PLEKHA5: variants seen among roughly 807,000 people sequenced by gnomAD.
PLEKHA5 encodes pleckstrin homology domain containing A5, also known as pleckstrin homology domain-containing family A member 5.
PLEKHA5 carries 55 observed loss-of-function variants against 181.9 expected under a neutral mutation model. The observed-to-expected ratio is 0.30, with a 90% CI of 0.24 to 0.38. PLEKHA5 has a LOEUF of 0.38. PLEKHA5 is among the 10% of genes least tolerant of loss of function. The probability of loss-of-function intolerance (pLI) is 1.00; values close to 1 mark genes in which losing one functional copy is unlikely to be tolerated. For missense variants in PLEKHA5, 1,432 were observed against 1,549.5 expected (o/e 0.92, Z 1.27); for synonymous variants, 535 against 529.4 (o/e 1.01, Z -0.15).
chr12:19,272,954 T>G (rs1184832352), intron 10 of PLEKHA5, among the ~76,000 whole-genome samples: 2 of 152,226 alleles, frequency 1.3e-5, no homozygotes, highest in Non-Finnish European at 2.9e-5. Context: ...TCGCCCAGGC[T>G]GGAGTGCAGT....
In PLEKHA5 at chr12:19,353,891, C is replaced by T; in HGVS notation, c.3027C>T (p.His1009=). The change falls in exon 26 of 32, where the codon CAC becomes CAT. Residue 1009 remains histidine, a synonymous_variant. Coordinates refer to ENST00000429027, the MANE Select transcript of PLEKHA5 (RefSeq NM_001256470.2). ...EIETSVVKGS[H]FPVGVVPPRA... ...TGCTGTTTTAATTTTTAGGTTCCCA[C>T]TTTCCTGTTGGAGTAGTCCCTCCAA... is the stretch of plus-strand genomic sequence containing the variant. 6.5e-7 allele frequency: 1 copy of T among 1,543,330 alleles called. No homozygotes were observed. Among genetic ancestry groups the T allele is most frequent in the Non-Finnish European group, 9.0e-7 (1 of 1,116,714 alleles).
chr12:19,193,608 G>T (rs968503219), intron 3 of PLEKHA5, among the ~76,000 whole-genome samples: 1 of 152,082 alleles, frequency 6.6e-6, no homozygotes, highest in Non-Finnish European at 1.5e-5. Flanking sequence ...AGCAATGCAC[G>T]TTGTACCTAC....
intron 29 of PLEKHA5, among the ~76,000 whole-genome samples, chr12:19,365,750 C>A (rs921440742): frequency 2.6e-5 from 4 of 152,064 alleles, no homozygotes; most frequent in Non-Finnish European, 4.4e-5. Flanking sequence ...TTAGATGAAG[C>A]AAGATTGGCA....
At chr12:19,282,556 A>G (rs2076409121) in intron 11 of PLEKHA5, among the ~76,000 whole-genome samples, 1 of 152,198 alleles carries the variant, frequency 6.6e-6, no homozygotes, top group Admixed American at 6.5e-5. Flanking sequence ...GTAGTAATTT[A>G]TTTCCTGTCT....
chr12:19,369,600 T>A lies in PLEKHA5; in HGVS notation c.3755-93T>A. ...TCTATTACTTCCTTCTCAAAACATG[T>A]TCTAATTTTTGTGGGATTACAGCAT... On this transcript the variant is annotated intron_variant, in intron 30 of 31. Coordinates refer to ENST00000429027, the MANE Select transcript of PLEKHA5 (RefSeq NM_001256470.2). 6 of 668,968 alleles carry A rather than the reference T, an allele frequency of 9.0e-6. No individual in the cohort carries two copies. In the South Asian group the frequency reaches 1.2e-4, roughly 13 times the overall value. 41.4% of individuals were successfully genotyped at this position (668,968 alleles called of 1,614,324 possible).
At position 19,291,680 on chromosome 12, in the gene PLEKHA5, A is replaced by G; in HGVS notation, c.2020A>G (p.Ile674Val). ...ILSHHLQRNT[I>V]YLDHQMKENE... ...TTCACATCATCTCCAAAGGAACACC[A>G]TATATTTGGATCATCAGGTGGGATT... The change falls in exon 15 of 32, where the codon ATA (isoleucine) becomes GTA (valine). Residue 674 changes from isoleucine (I) to valine (V), a missense_variant. By Grantham distance (29) the Ile-to-Val change is conservative. Around this residue, in one of 2 missense-constraint regions of PLEKHA5, gnomAD observed 1,143 missense variants for 1,168.4 expected, o/e 0.98. Transcript: ENST00000429027. 1 of 1,512,898 alleles carries G rather than the reference A, an allele frequency of 6.6e-7. No homozygotes were observed. The highest frequency in any genetic ancestry group is 8.9e-7 in the Non-Finnish European group (1 of 1,127,268). The allele number at this position is 1,512,898 out of a possible 1,614,324, so 93.7% of individuals were successfully genotyped here.
At chr12:19,156,984 G>A (rs71463028) in intron 3 of PLEKHA5, among the ~76,000 whole-genome samples, 31 of 151,380 alleles carry the variant, frequency 2.0e-4, no homozygotes, top group South Asian at 1.3e-3. Flanking sequence ...GCTTGAACCC[G>A]GGAGCCAGAG....
intron 3 of PLEKHA5, among the ~76,000 whole-genome samples, chr12:19,218,351 C>T (rs1285397710): frequency 6.6e-6 from 1 of 152,094 alleles, no homozygotes; most frequent in Non-Finnish European, 1.5e-5. Context: ...ACTTCTAGCT[C>T]TTAACCTTCC....
At chr12:19,294,026 AATTTTT>A (rs758298694) in intron 15 of PLEKHA5, among the ~76,000 whole-genome samples, 25 of 152,202 alleles carry the variant, frequency 1.6e-4, no homozygotes, top group Non-Finnish European at 3.4e-4. Context: ...AAAGCTATTC[AATTTTT>A]AAAGTTTGTG....
chr12:19,202,662 T>A (rs925310293), intron 3 of PLEKHA5, among the ~76,000 whole-genome samples: 1 of 152,094 alleles, frequency 6.6e-6, no homozygotes, highest in African/African-American at 2.4e-5. Flanking sequence ...CAAACTCCAA[T>A]TGTGAACCCT....
chr12:19,216,202 G>A (rs1230957543), intron 3 of PLEKHA5, among the ~76,000 whole-genome samples: 4 of 152,128 alleles, frequency 2.6e-5, no homozygotes, highest in Non-Finnish European at 5.9e-5. Flanking sequence ...ACACTGGGTG[G>A]TATAATAGAC....
rs139516898 is a variant in PLEKHA5 at position 19,248,562 on chromosome 12, A to G, written c.228-5378A>G. ...AATTAACATTATACTGCAATGGCCT[A>G]TAGTATTCAATACAGTAACATGCGT... On this transcript the variant is annotated intron_variant, in intron 3 of 31. Transcript: ENST00000429027. 1.2e-4 allele frequency among the ~76,000 whole-genome samples: 19 copies of G among 152,326 alleles called. No homozygotes were observed. The East Asian group carries it at 2.7e-3, about 22-fold the overall frequency.
At chr12:19,315,532 G>A (rs1440301178) in intron 16 of PLEKHA5, among the ~76,000 whole-genome samples, 1 of 152,074 alleles carries the variant, frequency 6.6e-6, no homozygotes, top group Non-Finnish European at 1.5e-5. Context: ...AGGAACCTTA[G>A]TAATCTGCAG....
At chr12:19,153,287 CATT>C (rs1436831612) in intron 3 of PLEKHA5, 1 of 152,030 alleles carries the variant, frequency 6.6e-6, no homozygotes, top group Admixed American at 6.5e-5. Flanking sequence ...GTTCTGCATT[CATT>C]AAGATTTTTT....
intron 21 of PLEKHA5, among the ~76,000 whole-genome samples, chr12:19,339,660 T>A (rs1365079538): frequency 1.3e-5 from 2 of 151,850 alleles, no homozygotes; most frequent in African/African-American, 4.8e-5. Context: ...TTTTAAGGTA[T>A]AATAAAAACC....
At chr12:19,293,238 G>C (rs2078921544) in intron 15 of PLEKHA5, among the ~76,000 whole-genome samples, 1 of 152,100 alleles carries the variant, frequency 6.6e-6, no homozygotes, top group Non-Finnish European at 1.5e-5. Flanking sequence ...TATTTAAAGA[G>C]GGATTTTGCA....
At position 19,252,583 on chromosome 12, in the gene PLEKHA5, T is replaced by G. The variant is rs192529493; in HGVS notation, c.228-1357T>G. Among the ~76,000 whole-genome samples, 578 of 152,294 alleles carry G rather than the reference T, an allele frequency of 3.8e-3. 2 individuals are homozygous for G. Among genetic ancestry groups the G allele is most frequent in the Admixed American group, 6.4e-3 (98 of 15,292 alleles). ...TTCAACCTAGAAAGAATACTATTTC[T>G]TAGGCAAACATCTTTTTCTCCAAAA... is the stretch of plus-strand genomic sequence containing the variant. On this transcript the variant is annotated intron_variant, in intron 3 of 31. Coordinates refer to ENST00000429027, the MANE Select transcript of PLEKHA5 (RefSeq NM_001256470.2).
intron 3 of PLEKHA5, among the ~76,000 whole-genome samples, chr12:19,136,029 A>G (rs2035550062): frequency 6.6e-6 from 1 of 151,748 alleles, no homozygotes; most frequent in Admixed American, 6.6e-5. Flanking sequence ...ACAAGTGTGT[A>G]CCACCATGCC....
At chr12:19,172,838 C>T (rs1235643547) in intron 3 of PLEKHA5, among the ~76,000 whole-genome samples, 2 of 151,894 alleles carry the variant, frequency 1.3e-5, no homozygotes, top group Non-Finnish European at 2.9e-5. Context: ...TTCATGAACA[C>T]TGTATTTATT....
Sources: allele counts gnomAD v4.1 joint callset (sites outside exome capture counted in the v4.1 genomes callset), GRCh38; gene constraint gnomAD v4.1.1; regional missense constraint gnomAD v4.1.1; transcripts MANE v1.5; gene names NCBI Gene and HGNC (gene_info 2026-07-23, HGNC 2026-07-21).